The following TBC1D9 variants were observed in gnomAD, a reference collection of about 807,000 sequenced individuals.
TBC1D9 encodes the protein TBC1 domain family member 9.
Under a neutral mutation model 132.0 loss-of-function variants are expected in TBC1D9, and 63 were observed. The ratio of observed to expected loss-of-function variants is 0.48; its 90% CI spans 0.39 to 0.59. TBC1D9 has a LOEUF of 0.59. Ranked by LOEUF, TBC1D9 falls within the 20% of genes least tolerant of loss-of-function variation. The probability of loss-of-function intolerance (pLI) is 0.00; values close to 1 mark genes in which losing one functional copy is unlikely to be tolerated. For synonymous variants in TBC1D9, 610 were observed against 609.9 expected, an observed-to-expected ratio of 1.00 and a Z score of 0.00; for missense variants, 1,261 against 1,592.7, an observed-to-expected ratio of 0.79 and a Z score of 3.54.
At position 140,622,696 on chromosome 4, in the gene TBC1D9, C is replaced by A. The variant is rs758373005; in HGVS notation, c.3300G>T (p.Gly1100=). The A allele has an allele frequency of 6.2e-7, 1 of 1,611,310 alleles. No individual in the cohort carries two copies. The highest frequency in any genetic ancestry group is 8.5e-7 in the Non-Finnish European group (1 of 1,179,236). The change falls in exon 21 of 21, where the codon GGG becomes GGT. Residue 1100 remains glycine (G), a synonymous_variant. Transcript: ENST00000442267. ...ACTCCACCACGTAAGGCTGGCCTGG[C>A]CCTTTCTTGGGGAAGAGCACGCCTG... ...GIPGVLFPKK[G]PGQPYVVESV...
At chr4:140,681,005 G>C (rs867154911) in intron 3 of TBC1D9, among the ~76,000 whole-genome samples, 1 of 152,200 alleles carries the variant, frequency 6.6e-6, no homozygotes, top group African/African-American at 2.4e-5. Flanking sequence ...CAGACTGGCT[G>C]CTCCTTGTGA....
intron 3 of TBC1D9, among the ~76,000 whole-genome samples, chr4:140,685,733 T>C (rs545102927): frequency 6.6e-6 from 1 of 152,178 alleles, no homozygotes; most frequent in Non-Finnish European, 1.5e-5. Flanking sequence ...GTAGTGTTGT[T>C]ATTTAATAGA....
At chr4:140,726,199 GAATC>G (rs1343911548) in intron 1 of TBC1D9, among the ~76,000 whole-genome samples, 2 of 152,020 alleles carry the variant, frequency 1.3e-5, no homozygotes, top group Non-Finnish European at 2.9e-5. Context: ...TGAGGCAGGA[GAATC>G]AATCAAACCT....
At chr4:140,701,785 C>T (rs986661271) in intron 1 of TBC1D9, among the ~76,000 whole-genome samples, 171 bp from the exon 2 acceptor site, 4 of 152,188 alleles carry the variant, frequency 2.6e-5, no homozygotes. Context: ...ACACAAGTTG[C>T]ACAACTTGAC....
intron 3 of TBC1D9, among the ~76,000 whole-genome samples, chr4:140,685,725 A>G (rs1206091066): frequency 6.6e-6 from 1 of 152,168 alleles, no homozygotes; most frequent in Non-Finnish European, 1.5e-5. Context: ...TGATAAATGT[A>G]GTGTTGTTAT....
chr4:140,749,898 A>G (rs1738895176), intron 1 of TBC1D9, among the ~76,000 whole-genome samples: 1 of 152,116 alleles, frequency 6.6e-6, no homozygotes, highest in African/African-American at 2.4e-5. Context: ...ATTCACCAGG[A>G]ATATATTACA....
chr4:140,723,582 C>T (rs1005001463), intron 1 of TBC1D9, among the ~76,000 whole-genome samples: 1 of 152,120 alleles, frequency 6.6e-6, no homozygotes, highest in African/African-American at 2.4e-5. Context: ...GATCCGCCTG[C>T]CTCAGCCTCC....
chr4:140,690,542 G>A (rs971161864), intron 2 of TBC1D9, among the ~76,000 whole-genome samples: 4 of 152,046 alleles, frequency 2.6e-5, no homozygotes, highest in African/African-American at 9.7e-5. Context: ...CACATGAAAA[G>A]GCTGGCCTTT....
intron 1 of TBC1D9, among the ~76,000 whole-genome samples, chr4:140,726,493 T>C (rs1227251160): frequency 6.6e-6 from 1 of 152,052 alleles, no homozygotes; most frequent in Non-Finnish European, 1.5e-5. Context: ...AGAGACATTC[T>C]CACAACACCC....
At chr4:140,675,940 C>T (rs1454007437) in intron 6 of TBC1D9, among the ~76,000 whole-genome samples, 2 of 152,176 alleles carry the variant, frequency 1.3e-5, no homozygotes, top group African/African-American at 4.8e-5. Flanking sequence ...GAGGGATTAC[C>T]CTTCCCAGGG....
intron 1 of TBC1D9, among the ~76,000 whole-genome samples, chr4:140,709,937 C>T (rs1485049297): frequency 3.9e-5 from 6 of 152,146 alleles, no homozygotes; most frequent in African/African-American, 2.4e-5. Context: ...GCTGTGCAGC[C>T]CAGTTCCTAA....
chr4:140,675,523 C>G (rs1737610002), intron 6 of TBC1D9, among the ~76,000 whole-genome samples: 1 of 152,156 alleles, frequency 6.6e-6, no homozygotes, highest in Non-Finnish European at 1.5e-5. Flanking sequence ...TCTTTGTCAA[C>G]TCCAAGCCTC....
chr4:140,692,242 G>A (rs1737888699), intron 2 of TBC1D9, among the ~76,000 whole-genome samples: 1 of 152,136 alleles, frequency 6.6e-6, no homozygotes, highest in Non-Finnish European at 1.5e-5. Flanking sequence ...AGCCTCCAAG[G>A]ATTAAAGAGC....
chr4:140,699,098 G>A (rs1738024497), intron 2 of TBC1D9, among the ~76,000 whole-genome samples: 1 of 152,132 alleles, frequency 6.6e-6, no homozygotes, highest in Non-Finnish European at 1.5e-5. Flanking sequence ...GAAGTCAACT[G>A]AAAAAGCTCC....
At chr4:140,709,191 C>A (rs1358130371) in intron 1 of TBC1D9, among the ~76,000 whole-genome samples, 1 of 144,376 alleles carries the variant, frequency 6.9e-6, no homozygotes, top group African/African-American at 2.5e-5. Context: ...AGGATGACAC[C>A]GTTACCTGTG....
At chr4:140,643,497 CG>C in intron 13 of TBC1D9, 1 of 884,936 alleles carries the variant, frequency 1.1e-6, no homozygotes, top group Non-Finnish European at 1.9e-6. Context: ...CACGGCCTCC[CG>C]GGGCTCCAGT....
At chr4:140,634,532 G>T (rs888049462) in intron 15 of TBC1D9, among the ~76,000 whole-genome samples, 6 of 152,030 alleles carry the variant, frequency 3.9e-5, no homozygotes, top group Non-Finnish European at 4.4e-5. Flanking sequence ...TAAAGAGAAA[G>T]AAATTTTTTA....
intron 1 of TBC1D9, among the ~76,000 whole-genome samples, chr4:140,719,131 T>C (rs1365603955): frequency 1.4e-5 from 2 of 145,486 alleles, no homozygotes; most frequent in South Asian, 2.1e-4. Flanking sequence ...AATAAATAAA[T>C]AAATAAATAA....
intron 1 of TBC1D9, among the ~76,000 whole-genome samples, chr4:140,754,866 T>G (rs1738984336): frequency 6.6e-6 from 1 of 152,068 alleles, no homozygotes; most frequent in Admixed American, 6.6e-5. Flanking sequence ...ATTTTAATCT[T>G]AAGAAAATTA....
Sources: allele counts gnomAD v4.1 joint callset (sites outside exome capture counted in the v4.1 genomes callset), GRCh38; gene constraint gnomAD v4.1.1; transcripts MANE v1.5; gene names NCBI Gene and HGNC (gene_info 2026-07-23, HGNC 2026-07-21).